MCM3AP: variants seen among roughly 807,000 people sequenced by gnomAD.
MCM3AP encodes minichromosome maintenance complex component 3 associated protein, also known as germinal-center associated nuclear protein.
MCM3AP carries 126 observed loss-of-function variants against 184.1 expected under a neutral mutation model. The ratio of observed to expected loss-of-function variants is 0.68; its 90% CI spans 0.59 to 0.79. MCM3AP has a LOEUF of 0.79. Ranked by LOEUF, MCM3AP falls within the 30% of genes least tolerant of loss-of-function variation. The probability of loss-of-function intolerance (pLI) is 0.00; values close to 1 mark genes in which losing one functional copy is unlikely to be tolerated. For synonymous variants in MCM3AP, 1,002 were observed against 979.3 expected, an observed-to-expected ratio of 1.02 and a Z score of -0.43; for missense variants, 2,496 against 2,479.2, an observed-to-expected ratio of 1.01 and a Z score of -0.14.
intron 8 of MCM3AP, among the ~76,000 whole-genome samples, chr21:46,271,482 C>T (rs1174145638): frequency 6.6e-6 from 1 of 152,084 alleles, no homozygotes. Context: ...GCACACATCA[C>T]CACACCTGGT....
intron 8 of MCM3AP, 95 bp downstream of exon 8, chr21:46,272,466 G>A: frequency 3.2e-6 from 4 of 1,241,606 alleles, no homozygotes; most frequent in Non-Finnish European, 4.6e-6. Flanking sequence ...ACAGAATGCT[G>A]CACTATTGGC....
chr21:46,284,362 C>G lies in MCM3AP; in HGVS notation c.925G>C (p.Ala309Pro), dbSNP rs2081373799. The change falls in exon 1 of 28, where the codon GCA becomes CCA. Residue 309 changes from alanine (A) to proline (P), a missense_variant. Physicochemically the swap from Ala to Pro is conservative, Grantham distance 27. Coordinates refer to ENST00000291688, the MANE Select transcript of MCM3AP (RefSeq NM_003906.5). ...CGGGACAGAGGATCCGAATCTTCTGCTGGCTCGTGGCCATGTCTCCTTGGG... is the reference window on the plus strand; with the variant it reads ...CGGGACAGAGGATCCGAATCTTCTGGTGGCTCGTGGCCATGTCTCCTTGGG... ...RSPRRHGHEP[A>P]EDSDPLSRGD... 1.2e-6 allele frequency: 2 copies of G among 1,614,120 alleles called. No homozygotes were observed. The highest frequency in any genetic ancestry group is 1.7e-5 in the Admixed American group (1 of 60,010).
intron 6 of MCM3AP, among the ~76,000 whole-genome samples, 158 bp from the exon 7 acceptor site, chr21:46,273,743 A>G (rs1390855416): frequency 6.6e-6 from 1 of 152,266 alleles, no homozygotes; most frequent in African/African-American, 2.4e-5. Context: ...AAAGGTGACA[A>G]TCAAAATTCA....
chr21:46,243,827 T>C, intron 23 of MCM3AP, 105 bp from the exon 24 acceptor site: 1 of 1,211,784 alleles, frequency 8.3e-7, no homozygotes, highest in Non-Finnish European at 1.1e-6. Context: ...TTGAGAAGTC[T>C]GCTTTCTAAA....
chr21:46,246,677 AAC>A lies in MCM3AP; in HGVS notation c.4498_4499del (p.Val1500SerfsTer4). On this transcript the variant is annotated frameshift_variant, in exon 21 of 28. Coordinates refer to ENST00000291688, the MANE Select transcript of MCM3AP (RefSeq NM_003906.5). LOFTEE classifies it high-confidence loss of function. ...CGTCCCCTCCTGGGCTAGGCACAAG[AAC>A]CACCAGAGGAAGCGCAGGCTGGAAG... ...KPFQPALPLV[V>X]LVPSPGGDAV... 6.2e-7 allele frequency: 1 copy of A among 1,614,176 alleles called. No homozygotes were observed. Among genetic ancestry groups the A allele is most frequent in the South Asian group, 1.1e-5 (1 of 91,084 alleles).
chr21:46,283,543 A>G (rs1332078422), intron 2 of MCM3AP, 72 bp downstream of exon 2: 50 of 994,188 alleles, frequency 5.0e-5, no homozygotes, highest in Non-Finnish European at 7.2e-5. Flanking sequence ...TGAGGGACCA[A>G]AAAAAAAAAA....
intron 20 of MCM3AP, chr21:46,247,804 T>A (rs1210768972): frequency 6.6e-6 from 1 of 151,924 alleles, no homozygotes; most frequent in Non-Finnish European, 1.5e-5. Context: ...CTTAAACAGG[T>A]ATAAAAAAGT....
Position 46,245,004 on chromosome 21 carries a change from C to G in MCM3AP, c.4841G>C (p.Ser1614Thr), listed in dbSNP as rs764768897. ...CACAGAAGCCAGGAACTGCAGCACA[C>G]TGTTAAACAGCTCAATGATGGCGCC... ...EPGAIIELFN[S>T]VLQFLASVVS... The change falls in exon 23 of 28, where the codon AGT becomes ACT. Residue 1614 changes from serine to threonine, a missense_variant. Physicochemically the swap from Ser to Thr is moderately conservative, Grantham distance 58. This residue lies in a region of MCM3AP where 1,323 missense variants were observed against 1,273.4 expected (regional missense o/e 1.04). Transcript: ENST00000291688. 2.3e-5 allele frequency: 37 copies of G among 1,614,092 alleles called. No individual in the cohort carries two copies. The highest frequency in any genetic ancestry group is 3.1e-5 in the Non-Finnish European group (36 of 1,180,030).
chr21:46,265,486 A>T lies in MCM3AP; in HGVS notation c.3069T>A (p.Asp1023Glu). 3 of 1,612,200 alleles carry T rather than the reference A, an allele frequency of 1.9e-6. No individual in the cohort carries two copies. The highest frequency in any genetic ancestry group is 1.3e-5 in the African/African-American group (1 of 74,950). Residue 1023 changes from aspartate (D) to glutamate (E), a missense_variant, in exon 12 of 28, where the codon GAT (aspartate) becomes GAA (glutamate). By Grantham distance (45) the Asp-to-Glu change is conservative. This residue lies in a region of MCM3AP where 1,323 missense variants were observed against 1,273.4 expected (regional missense o/e 1.04). Coordinates refer to ENST00000291688, the MANE Select transcript of MCM3AP (RefSeq NM_003906.5). ...ACTGTGGGAGACTGGACAGGGGTGC[A>T]TCCGGCTCTACACCACACTCCTCTC... is the stretch of plus-strand genomic sequence containing the variant. ...GRGEECGVEPDAPLSSLPQSL... is the reference protein window; with the variant it reads ...GRGEECGVEPEAPLSSLPQSL...
In MCM3AP at chr21:46,269,288, T is replaced by G. The variant is rs149075892; in HGVS notation, c.2628+1113A>C. Among the ~76,000 whole-genome samples, 371 of 151,892 alleles carry G rather than the reference T, an allele frequency of 2.4e-3. 1 individual carries two copies. The highest frequency in any genetic ancestry group is 8.3e-3 in the African/African-American group (345 of 41,408). ...CCCACCACACCTGCCTGGCTTTTTT[T>G]TTATTTTTAGTAGAGACAGGGCCTC... is the stretch of plus-strand genomic sequence containing the variant. On this transcript the variant is annotated intron_variant, in intron 9 of 27. Transcript: ENST00000291688.
At chr21:46,266,361 G>A (rs1289508719) in intron 10 of MCM3AP, 195 bp from the exon 11 acceptor site, 7 of 517,022 alleles carry the variant, frequency 1.4e-5, no homozygotes, top group South Asian at 3.9e-5. Flanking sequence ...TAAGCCCAGC[G>A]TGTTAACAGA....
Position 46,250,228 on chromosome 21 carries a change from G to A in MCM3AP, c.4290+1301C>T, listed in dbSNP as rs1207623122. On this transcript the variant is annotated intron_variant, in intron 20 of 27. Transcript: ENST00000291688. The stretch of plus-strand genomic sequence containing the variant: ...TTCTGAGGTGAATAGCAGTCACAGA[G>A]CCATCAAAATATGACCCCACTCACT... The A allele has an allele frequency of 2.0e-5, 3 of 152,244 alleles. No individual in the cohort carries two copies. In the East Asian group the frequency reaches 5.8e-4, roughly 29 times the overall value. The allele number at this position is 152,244 out of a possible 1,614,324, so 9.4% of individuals were successfully genotyped here. A position where few individuals can be genotyped will look rare whatever the true frequency, so the allele number is the denominator to read the frequency against.
intron 26 of MCM3AP, among the ~76,000 whole-genome samples, chr21:46,238,845 G>A (rs1319452113): frequency 6.6e-6 from 1 of 152,180 alleles, no homozygotes. Context: ...CTAGGTACAA[G>A]GAATATTGCA....
At position 46,284,962 on chromosome 21, in the gene MCM3AP, CTG is replaced by C; in HGVS notation, c.323_324del (p.Thr108ArgfsTer3). ...GPSSSSVLGNTGFSFKSPTSV... is the reference protein window; with the variant it reads ...GPSSSSVLGNXGFSFKSPTSV... ...CTGGTGGGTGATTTAAAACTAAATC[CTG>C]TGTTTCCCAGCACAGATGAACTTGA... On this transcript the variant is annotated frameshift_variant, in exon 1 of 28. Coordinates refer to ENST00000291688, the MANE Select transcript of MCM3AP (RefSeq NM_003906.5). LOFTEE classifies it high-confidence loss of function. The C allele has an allele frequency of 1.2e-6, 2 of 1,614,100 alleles. No homozygotes were observed. The highest frequency in any genetic ancestry group is 1.7e-6 in the Non-Finnish European group (2 of 1,180,034).
At chr21:46,283,552 A>AC (rs1491471374) in intron 2 of MCM3AP, 63 bp downstream of exon 2, 1 of 1,193,798 alleles carries the variant, frequency 8.4e-7, no homozygotes, top group African/African-American at 1.5e-5. Flanking sequence ...AAAAAAAAAA[A>AC]ACAGGTTTTA....
At chr21:46,266,279 A>G in intron 10 of MCM3AP, 113 bp from the exon 11 acceptor site, 3 of 1,199,750 alleles carry the variant, frequency 2.5e-6, no homozygotes, top group Non-Finnish European at 3.4e-6. Context: ...AGCCATGTGT[A>G]AATAACAGAA....
chr21:46,279,916 C>T, intron 4 of MCM3AP, 77 bp downstream of exon 4: 1 of 1,457,918 alleles, frequency 6.9e-7, no homozygotes, highest in Non-Finnish European at 9.3e-7. Context: ...CAGTCTTGCA[C>T]CCTGACTCAG....
At chr21:46,235,496 A>G in intron 27 of MCM3AP, 70 bp from the exon 28 acceptor site, 2 of 1,342,774 alleles carry the variant, frequency 1.5e-6, no homozygotes, top group Non-Finnish European at 2.1e-6. Context: ...CTGGGAAGGT[A>G]CTAGATCTGG....
chr21:46,236,599 C>G (rs538577772), intron 27 of MCM3AP, among the ~76,000 whole-genome samples: 33 of 152,326 alleles, frequency 2.2e-4, no homozygotes, highest in African/African-American at 6.7e-4. Flanking sequence ...TTATTCAGTT[C>G]TTAAGAATAT....
Sources: gnomAD v4.1 joint callset for allele counts (sites outside exome capture counted in the v4.1 genomes callset) on GRCh38, gnomAD v4.1.1 for gene constraint, gnomAD v4.1.1 regional missense constraint, MANE v1.5 for transcripts, NCBI Gene and HGNC (gene_info 2026-07-23, HGNC 2026-07-21) for gene names.